CFAP58: variants seen among roughly 807,000 people sequenced by gnomAD.
CFAP58 encodes the protein cilia- and flagella-associated protein 58.
CFAP58 carries 88 observed loss-of-function variants against 119.5 expected under a neutral mutation model. The ratio of observed to expected loss-of-function variants is 0.74; its 90% CI spans 0.62 to 0.88. The LOEUF (loss-of-function observed/expected upper bound fraction) is 0.88, where lower values mean the gene tolerates loss of function less well. CFAP58 is among the 40% of genes least tolerant of loss of function. The pLI, the probability that CFAP58 is intolerant of heterozygous loss-of-function variation, is 0.00. For synonymous variants in CFAP58, 365 were observed against 366.3 expected (o/e 1.00, Z 0.04); for missense variants, 990 against 1,021.2 (o/e 0.97, Z 0.42).
At chr10:104,403,495 C>A (rs2012302914) in intron 13 of CFAP58, among the ~76,000 whole-genome samples, 1 of 147,380 alleles carries the variant, frequency 6.8e-6, no homozygotes, top group Admixed American at 6.8e-5. Context: ...ATGACTCTGA[C>A]TCTGAAGCCC....
upstream of CFAP58, among the ~76,000 whole-genome samples, chr10:104,349,766 G>A (rs1478681172): frequency 6.6e-6 from 1 of 152,214 alleles, no homozygotes; most frequent in Non-Finnish European, 1.5e-5. Context: ...AATACACAAT[G>A]CTGGAAAAGG....
chr10:104,371,912 T>A (rs17754977), intron 7 of CFAP58, among the ~76,000 whole-genome samples: 61,669 of 152,074 alleles, frequency 0.41, 15,220 homozygotes, highest in African/African-American at 0.7. Flanking sequence ...TGTTGACTTT[T>A]CCCAGGTGGC....
intron 15 of CFAP58, among the ~76,000 whole-genome samples, chr10:104,408,747 A>T (rs1363143542): frequency 6.6e-6 from 1 of 152,114 alleles, no homozygotes; most frequent in African/African-American, 2.4e-5. Context: ...TGCTCAGCTC[A>T]TCAATGTTCA....
chr10:104,406,769 G>A lies in CFAP58; in HGVS notation c.2232G>A (p.Val744=), dbSNP rs751094731. 9 of 1,614,002 alleles carry A rather than the reference G, an allele frequency of 5.6e-6. No individual in the cohort carries two copies. Among genetic ancestry groups the A allele is most frequent in the South Asian group, 1.1e-5 (1 of 91,090 alleles). Residue 744 remains valine, a synonymous_variant, in exon 15 of 18, where the codon GTG becomes GTA. Coordinates refer to ENST00000369704, the MANE Select transcript of CFAP58 (RefSeq NM_001008723.2). ...QKRLISKTEE[V]VEKELLLQEK... is the part of the protein sequence containing the mutation. ...GTCTCATCAGCAAGACTGAAGAGGT[G>A]GTTGAAAAAGAGCTGCTCCTCCAGG...
At chr10:104,429,368 A>G (rs1182920594) in intron 15 of CFAP58, among the ~76,000 whole-genome samples, 1 of 152,172 alleles carries the variant, frequency 6.6e-6, no homozygotes, top group African/African-American at 2.4e-5. Context: ...CAGGGAGACC[A>G]TGGAGCTTGA....
chr10:104,437,141 C>G (rs865981556), intron 15 of CFAP58, among the ~76,000 whole-genome samples: 1 of 152,180 alleles, frequency 6.6e-6, no homozygotes, highest in Non-Finnish European at 1.5e-5. Context: ...ACTTCCTCAT[C>G]TGGAAAATAG....
rs4918084 is a variant in CFAP58 at position 104,451,880 on chromosome 10, C to T, written c.2510+1676C>T. Among the ~76,000 whole-genome samples the T allele has an allele frequency of 7.9e-3, 1,192 of 151,332 alleles. 15 individuals are homozygous for T. The highest frequency in any genetic ancestry group is 0.028 in the Admixed American group (422 of 15,196). On this transcript the variant is annotated intron_variant, in intron 17 of 17. Transcript: ENST00000369704. Reference sequence around the variant, plus strand: ...AATAGCTGGGATGACAAGCATGCACCAACATGCCCAGCTAATTTTTTTTTT... The same window carrying T: ...AATAGCTGGGATGACAAGCATGCACTAACATGCCCAGCTAATTTTTTTTTT...
chr10:104,411,760 C>CT (rs36066957), intron 15 of CFAP58, among the ~76,000 whole-genome samples: 79 of 147,044 alleles, frequency 5.4e-4, no homozygotes, highest in Admixed American at 5.4e-4. Context: ...AGGGAAGCAA[C>CT]TTTTTTTTTT....
intron 1 of CFAP58, among the ~76,000 whole-genome samples, chr10:104,357,850 CATATATACACATATATACACAT>C (rs1564875571): frequency 2.8e-4 from 13 of 45,654 alleles, no homozygotes; most frequent in Non-Finnish European, 5.0e-4. Flanking sequence ...CATATGTACA[CATATATACACATATATACACAT>C]ATATGTACAC....
chr10:104,344,466 A>G, the CFAP58 span, among the ~76,000 whole-genome samples: 4 of 152,334 alleles, frequency 2.6e-5, no homozygotes, highest in East Asian at 3.9e-4. Context: ...TGTGTGGTCT[A>G]TGGCTGCTCT....
chr10:104,362,200 A>G (rs762411707), intron 3 of CFAP58, 29 bp downstream of exon 3: 2 of 1,581,482 alleles, frequency 1.3e-6, no homozygotes, highest in Non-Finnish European at 1.7e-6. Flanking sequence ...GATGTATGTT[A>G]AACTTGCTTT....
intron 1 of CFAP58, among the ~76,000 whole-genome samples, chr10:104,358,125 T>A (rs531439103): frequency 2.8e-4 from 42 of 147,548 alleles, no homozygotes; most frequent in African/African-American, 8.2e-4. Context: ...ATATATGTAC[T>A]TATATATACA....
chr10:104,403,971 G>C, intron 14 of CFAP58, 131 bp downstream of exon 14: 1 of 512,068 alleles, frequency 2.0e-6, no homozygotes, highest in Non-Finnish European at 3.5e-6. Flanking sequence ...AAAATGTAAG[G>C]CTGTATCTGA....
At position 104,370,952 on chromosome 10, in the gene CFAP58, A is replaced by G. The variant is rs2014815142; in HGVS notation, c.988A>G (p.Arg330Gly). Residue 330 changes from arginine (R) to glycine (G), a missense_variant, in exon 7 of 18, where the codon AGA (arginine) becomes GGA (glycine). Transcript: ENST00000369704. ...TGACATCGGGAAGCTCAACAAAATC[A>G]GAGAACAAATTCATAAGAAATTGCA... ...RLDIGKLNKIREQIHKKLHHT... is the reference protein window; with the variant it reads ...RLDIGKLNKIGEQIHKKLHHT... 1.2e-6 allele frequency: 2 copies of G among 1,613,850 alleles called. No individual in the cohort carries two copies. Among genetic ancestry groups the G allele is most frequent in the Admixed American group, 1.7e-5 (1 of 59,992 alleles).
intron 1 of CFAP58, among the ~76,000 whole-genome samples, chr10:104,357,126 T>C (rs2014553151): frequency 6.6e-6 from 1 of 152,190 alleles, no homozygotes; most frequent in African/African-American, 2.4e-5. Context: ...AAATACCTTT[T>C]TGGGGGACAC....
chr10:104,371,166 T>A, intron 7 of CFAP58, 112 bp downstream of exon 7: 3 of 1,004,062 alleles, frequency 3.0e-6, no homozygotes, highest in Non-Finnish European at 4.2e-6. Flanking sequence ...ATGAAATCAG[T>A]AAAACAACAC....
chr10:104,341,462 G>A, the CFAP58 span, among the ~76,000 whole-genome samples: 1 of 151,348 alleles, frequency 6.6e-6, no homozygotes, highest in African/African-American at 2.4e-5. Context: ...ATAGGACATA[G>A]GACTATGAAA....
In CFAP58 at chr10:104,400,800, A is replaced by C. The variant is rs1404974889; in HGVS notation, c.1936A>C (p.Asn646His). The C allele has an allele frequency of 6.2e-7, 1 of 1,614,192 alleles. No individual in the cohort carries two copies. The highest frequency in any genetic ancestry group is 1.7e-5 in the Admixed American group (1 of 60,036). Residue 646 changes from asparagine to histidine, a missense_variant, in exon 13 of 18, where the codon AAC becomes CAC. Physicochemically the swap from Asn to His is moderately conservative, Grantham distance 68. Coordinates refer to ENST00000369704, the MANE Select transcript of CFAP58 (RefSeq NM_001008723.2). ...SVLNKGESQY[N>H]QRLEDMRILR... ...GCTGAATAAAGGGGAGAGCCAGTAC[A>C]ACCAGAGGTTGGAGGACATGAGAAT...
intron 7 of CFAP58, among the ~76,000 whole-genome samples, chr10:104,375,451 A>G (rs2011639106): frequency 6.6e-6 from 1 of 152,218 alleles, no homozygotes; most frequent in South Asian, 2.1e-4. Flanking sequence ...GCAGTAGCTC[A>G]TGCCTGCCTG....
Sources: gnomAD v4.1 joint callset for allele counts (sites outside exome capture counted in the v4.1 genomes callset) on GRCh38, gnomAD v4.1.1 for gene constraint, MANE v1.5 for transcripts, NCBI Gene and HGNC (gene_info 2026-07-23, HGNC 2026-07-21) for gene names.